Variants in ITGA8 observed in about 807,000 individuals in gnomAD.
The protein encoded by ITGA8 is integrin alpha-8.
Under a neutral mutation model 142.3 loss-of-function variants are expected in ITGA8, and 91 were observed. The ratio of observed to expected loss-of-function variants is 0.64; its 90% CI spans 0.54 to 0.76. The LOEUF (loss-of-function observed/expected upper bound fraction) is 0.76. ITGA8 is among the 30% of genes least tolerant of loss of function. The pLI is 0.00. For missense variants in ITGA8, 1,406 were observed against 1,327.7 expected (o/e 1.06, Z -0.92); for synonymous variants, 505 against 485.2 (o/e 1.04, Z -0.54).
In ITGA8 at chr10:15,687,978, C is replaced by T. The variant is rs751824845; in HGVS notation, c.404G>A (p.Trp135Ter). Residue 135 changes from tryptophan to a stop codon, truncating the protein, a stop_gained, in exon 3 of 30, where the codon TGG (tryptophan) becomes TAG (stop). Transcript: ENST00000378076. LOFTEE classifies it high-confidence loss of function. Reference protein sequence around the residue: ...KEPIEFKSNQWFGATVKAHKG... With the variant: ...KEPIEFKSNQ The stretch of plus-strand genomic sequence containing the variant: ...GTGAGCTTTCACTGTTGCTCCAAAC[C>T]ACTGATTGGATTTGAACTCGATAGG... 1 of 1,613,768 alleles carries T rather than the reference C, an allele frequency of 6.2e-7. No homozygotes were observed. The highest frequency in any genetic ancestry group is 8.5e-7 in the Non-Finnish European group (1 of 1,179,686).
chr10:15,672,340 C>G (rs980210077), intron 7 of ITGA8, among the ~76,000 whole-genome samples: 1 of 152,198 alleles, frequency 6.6e-6, no homozygotes, highest in African/African-American at 2.4e-5. Context: ...CCCTGTCACA[C>G]TGGTAGCAGC....
At chr10:15,700,786 C>T (rs2131726222) in intron 2 of ITGA8, among the ~76,000 whole-genome samples, 1 of 152,248 alleles carries the variant, frequency 6.6e-6, no homozygotes, top group Middle Eastern at 3.4e-3. Context: ...ACCACATCCT[C>T]AGAGACACAA....
chr10:15,582,004 T>C (rs1834417439), intron 23 of ITGA8, among the ~76,000 whole-genome samples: 1 of 151,970 alleles, frequency 6.6e-6, no homozygotes, highest in Non-Finnish European at 1.5e-5. Flanking sequence ...TTTGGGAGGG[T>C]GAGGCAGGAA....
In ITGA8 at chr10:15,591,399, A is replaced by G. The variant is rs576298516; in HGVS notation, c.2291+826T>C. On this transcript the variant is annotated intron_variant, in intron 22 of 29. Transcript: ENST00000378076. ...CTGAAAGGAATATTTCATGAGCTGT[A>G]TTAATATATATTATATTATATTATA... Among the ~76,000 whole-genome samples, 1,085 of 136,378 alleles carry G rather than the reference A, an allele frequency of 8.0e-3. 10 individuals are homozygous for G. Among genetic ancestry groups the G allele is most frequent in the African/African-American group, 0.028 (1,050 of 37,682 alleles). The allele number at this position is 136,378 out of a possible 152,430, so 89.5% of individuals were successfully genotyped here.
Position 15,631,078 on chromosome 10 carries a change from G to A in ITGA8, c.1399+12952C>T, listed in dbSNP as rs528714293. ...TATAGATTCTGGATATTATGCTGGA[G>A]AGGATGTGGAGAAATAGGAATGCTT... On this transcript the variant is annotated intron_variant, in intron 13 of 29. Transcript: ENST00000378076. Among the ~76,000 whole-genome samples, 105 of 152,124 alleles carry A rather than the reference G, an allele frequency of 6.9e-4. 4 individuals are homozygous for A. Among genetic ancestry groups the A allele is most frequent in the South Asian group, 1.7e-3 (8 of 4,824 alleles).
chr10:15,613,764 T>C lies in ITGA8; in HGVS notation c.1449A>G (p.Ala483=). ...GGGCATCTACAGTCACAACCGGTCT[T>C]GCTCTGCGGGGAGAAAATGCAGGGT... ...FGTGKVAVYR[A]RPVVTVDAQL... The change falls in exon 15 of 30, where the codon GCA becomes GCG. Residue 483 remains alanine, a synonymous_variant. Coordinates refer to ENST00000378076, the MANE Select transcript of ITGA8 (RefSeq NM_003638.3). The C allele has an allele frequency of 1.2e-6, 2 of 1,610,374 alleles. No individual in the cohort carries two copies. The highest frequency in any genetic ancestry group is 8.5e-7 in the Non-Finnish European group (1 of 1,176,630).
At chr10:15,530,572 A>G (rs535230766) in intron 28 of ITGA8, among the ~76,000 whole-genome samples, 1 of 138,414 alleles carries the variant, frequency 7.2e-6, no homozygotes, top group East Asian at 2.1e-4. Flanking sequence ...AAGACATTTC[A>G]TTCAGTTGAA....
intron 13 of ITGA8, among the ~76,000 whole-genome samples, chr10:15,617,437 C>T (rs1410142030): frequency 1.3e-5 from 2 of 150,866 alleles, no homozygotes; most frequent in South Asian, 2.1e-4. Context: ...CTCGCTCCAT[C>T]GCCTAGGCTG....
At chr10:15,702,985 C>T (rs906773928) in intron 2 of ITGA8, among the ~76,000 whole-genome samples, 2 of 152,138 alleles carry the variant, frequency 1.3e-5, no homozygotes, top group African/African-American at 2.4e-5. Flanking sequence ...TAGACTATTC[C>T]TCTAGTTCAT....
chr10:15,709,353 A>G lies in ITGA8; in HGVS notation c.343+9413T>C, dbSNP rs138649147. 7.2e-5 allele frequency among the ~76,000 whole-genome samples: 11 copies of G among 152,388 alleles called. No homozygotes were observed. In the East Asian group the frequency reaches 2.1e-3, roughly 29 times the overall value. On this transcript the variant is annotated intron_variant, in intron 2 of 29. Transcript: ENST00000378076. ...GACACACTCTTTACTTAGTAAACAG[A>G]CACACCTTTACAGAACATTTATAAA...
At chr10:15,694,197 A>G (rs1399278279) in intron 2 of ITGA8, among the ~76,000 whole-genome samples, 1 of 143,010 alleles carries the variant, frequency 7.0e-6, no homozygotes, top group African/African-American at 2.6e-5. Flanking sequence ...ATATATGATA[A>G]TATATCATAT....
intron 15 of ITGA8, among the ~76,000 whole-genome samples, chr10:15,611,083 G>A (rs1452838777): frequency 2.6e-5 from 4 of 152,166 alleles, no homozygotes; most frequent in African/African-American, 9.7e-5. Context: ...GAGTTTATGT[G>A]ATAGTTTTCA....
chr10:15,595,496 T>C (rs1175000551), intron 21 of ITGA8, among the ~76,000 whole-genome samples: 1 of 152,224 alleles, frequency 6.6e-6, no homozygotes, highest in Non-Finnish European at 1.5e-5. Context: ...ACAATTTACT[T>C]CCCTGACTTC....
intron 8 of ITGA8, among the ~76,000 whole-genome samples, chr10:15,664,391 A>G (rs538952114): frequency 5.3e-5 from 8 of 152,288 alleles, no homozygotes; most frequent in African/African-American, 1.9e-4. Context: ...ATAAAACCTG[A>G]TTATCTTCAA....
chr10:15,705,949 T>C (rs1015442062), intron 2 of ITGA8, among the ~76,000 whole-genome samples: 1 of 152,178 alleles, frequency 6.6e-6, no homozygotes, highest in African/African-American at 2.4e-5. Flanking sequence ...TCACCTCTTT[T>C]CTGCTCTTGT....
In ITGA8 at chr10:15,657,509, C is replaced by CTTTTTTTTTTTTTTTTTTTTTTTTTTT. The variant is rs534714654; in HGVS notation, c.948+1489_948+1490insAAAAAAAAAAAAAAAAAAAAAAAAAAA. Among the ~76,000 whole-genome samples the CTTTTTTTTTTTTTTTTTTTTTTTTTTT allele has an allele frequency of 5.2e-5, 6 of 116,496 alleles. 1 individual carries two copies. Among genetic ancestry groups the CTTTTTTTTTTTTTTTTTTTTTTTTTTT allele is most frequent in the Non-Finnish European group, 3.5e-5 (2 of 57,002 alleles). The allele number at this position is 116,496 out of a possible 152,430, so 76.4% of individuals were successfully genotyped here. ...CTGCTGGTTTCTTTTTCTTTTCTTT[C>CTTTTTTTTTTTTTTTTTTTTTTTTTTT]ATTTTTTTTTTTTTTTTTTTTTAAC... is the stretch of plus-strand genomic sequence containing the variant. On this transcript the variant is annotated intron_variant, in intron 10 of 29. Coordinates refer to ENST00000378076, the MANE Select transcript of ITGA8 (RefSeq NM_003638.3).
intron 25 of ITGA8, among the ~76,000 whole-genome samples, chr10:15,565,294 G>A (rs181704831): frequency 3.3e-5 from 5 of 152,318 alleles, no homozygotes; most frequent in East Asian, 3.9e-4. Context: ...TGGAGAGGAA[G>A]TAAATTAAAA....
At chr10:15,520,729 CGTA>C (rs1783481395) in intron 28 of ITGA8, among the ~76,000 whole-genome samples, 1 of 152,228 alleles carries the variant, frequency 6.6e-6, no homozygotes, top group South Asian at 2.1e-4. Context: ...TATTCACTAA[CGTA>C]GTATTCCGGT....
At chr10:15,536,683 C>T (rs918013944) in intron 27 of ITGA8, among the ~76,000 whole-genome samples, 4 of 152,184 alleles carry the variant, frequency 2.6e-5, no homozygotes, top group African/African-American at 7.2e-5. Flanking sequence ...CGTCTTGCCC[C>T]AGCTGGCTAT....
Sources: allele counts gnomAD v4.1 joint callset (sites outside exome capture counted in the v4.1 genomes callset), GRCh38; gene constraint gnomAD v4.1.1; transcripts MANE v1.5; gene names NCBI Gene and HGNC (gene_info 2026-07-23, HGNC 2026-07-21).